Variants in VIT observed in about 807,000 individuals in gnomAD.
The protein encoded by VIT is vitrin.
VIT carries 99 observed loss-of-function variants against 78.0 expected under a neutral mutation model. The observed-to-expected ratio is 1.27, with a 90% CI of 1.08 to 1.50. The LOEUF (loss-of-function observed/expected upper bound fraction) is 1.50, where lower values mean the gene tolerates loss of function less well. VIT is among the 40% of genes most tolerant of loss of function. The pLI, the probability that VIT is intolerant of heterozygous loss-of-function variation, is 0.00. For missense variants in VIT, 1,126 were observed against 875.3 expected (o/e 1.29, Z -3.61); for synonymous variants, 374 against 334.3 (o/e 1.12, Z -1.29).
chr2:36,799,214 G>A (rs1666134431), intron 12 of VIT, among the ~76,000 whole-genome samples: 3 of 152,148 alleles, frequency 2.0e-5, no homozygotes, highest in Admixed American at 2.0e-4. Context: ...AACAGGGATG[G>A]AGGAAAGGAA....
intron 12 of VIT, among the ~76,000 whole-genome samples, chr2:36,792,595 T>C (rs1472830400): frequency 6.6e-6 from 1 of 152,076 alleles, no homozygotes; most frequent in Non-Finnish European, 1.5e-5. Context: ...CTCCTAAAAC[T>C]CCAGATGCCC....
chr2:36,720,462 T>G (rs1181300977), intron 2 of VIT, among the ~76,000 whole-genome samples: 2 of 152,200 alleles, frequency 1.3e-5, no homozygotes, highest in Non-Finnish European at 2.9e-5. Flanking sequence ...AATTGGGCCC[T>G]TAGCTCACAC....
chr2:36,712,568 G>T (rs1369498307), intron 1 of VIT, among the ~76,000 whole-genome samples: 1 of 152,192 alleles, frequency 6.6e-6, no homozygotes, highest in Non-Finnish European at 1.5e-5. Flanking sequence ...GCCGGGGGTG[G>T]TGGCTCACAC....
Position 36,797,442 on chromosome 2 carries a change from G to T in VIT, c.1059-3859G>T, listed in dbSNP as rs118175820. Among the ~76,000 whole-genome samples, 19 of 152,286 alleles carry T rather than the reference G, an allele frequency of 1.2e-4. No individual in the cohort carries two copies. In the East Asian group the frequency reaches 3.3e-3, roughly 26 times the overall value. On this transcript the variant is annotated intron_variant, in intron 12 of 15. Transcript: ENST00000379242. The stretch of plus-strand genomic sequence containing the variant: ...GAAATGTGAGAGATATTTAGAGGTA[G>T]GTCTGACAGGACGTGGTATTTGATG...
chr2:36,704,850 C>A (rs1041676189), intron 1 of VIT, among the ~76,000 whole-genome samples: 1 of 150,958 alleles, frequency 6.6e-6, no homozygotes, highest in Non-Finnish European at 1.5e-5. Flanking sequence ...GCACCCTCAT[C>A]TTCCTTCCTA....
rs747470396 is a variant in VIT at position 36,808,651 on chromosome 2, G to A, written c.1569G>A (p.Thr523=). The A allele has an allele frequency of 4.3e-6, 7 of 1,614,176 alleles. No homozygotes were observed. In the Admixed American group the frequency reaches 6.7e-5, roughly 15 times the overall value. The change falls in exon 15 of 16, where the codon ACG becomes ACA. Residue 523 remains threonine (T), a synonymous_variant. Coordinates refer to ENST00000379242, the MANE Select transcript of VIT (RefSeq NM_053276.4). ...TCGACGGCTCCAGCAGTGTGGGGACGGGCAACTTCCGCACCGTCCTCCAGT... is the reference window on the plus strand; with the variant it reads ...TCGACGGCTCCAGCAGTGTGGGGACAGGCAACTTCCGCACCGTCCTCCAGT... The part of the protein sequence containing the change: ...FVIDGSSSVG[T]GNFRTVLQFV...
intron 14 of VIT, 48 bp downstream of exon 14, chr2:36,805,712 C>G: frequency 1.3e-6 from 2 of 1,577,860 alleles, no homozygotes; most frequent in Non-Finnish European, 1.7e-6. Flanking sequence ...TTTCTGCACT[C>G]TGAAAAATTG....
At chr2:36,740,468 C>T (rs1667770601) in intron 3 of VIT, among the ~76,000 whole-genome samples, 1 of 152,188 alleles carries the variant, frequency 6.6e-6, no homozygotes, top group Admixed American at 6.5e-5. Context: ...GGCAATCACT[C>T]TGCAAAATTT....
chr2:36,805,642 T>C lies in VIT; in HGVS notation c.1367T>C (p.Val456Ala). 2 of 1,613,978 alleles carry C rather than the reference T, an allele frequency of 1.2e-6. No homozygotes were observed. Among genetic ancestry groups the C allele is most frequent in the Middle Eastern group, 1.7e-4 (1 of 6,056 alleles). Residue 456 changes from valine (V) to alanine (A), a missense_variant, in exon 14 of 16, where the codon GTG becomes GCG. Val to Ala is a moderately conservative substitution (Grantham distance 64). Coordinates refer to ENST00000379242, the MANE Select transcript of VIT (RefSeq NM_053276.4). ...GAAENEKQYV[V>A]EPNFANKAVC... ...GCTGAAAATGAGAAGCAGTATGTGG[T>C]GGAGCCCAACTTTGCAAACAAGGTA... is the stretch of plus-strand genomic sequence containing the variant.
intron 9 of VIT, among the ~76,000 whole-genome samples, chr2:36,778,753 G>A (rs1670221798): frequency 6.6e-6 from 1 of 152,124 alleles, no homozygotes; most frequent in Non-Finnish European, 1.5e-5. Flanking sequence ...CCCCACTTCG[G>A]TACAGCAAGA....
intron 7 of VIT, 61 bp from the exon 8 acceptor site, chr2:36,773,730 A>T (rs1000587970): frequency 4.0e-6 from 5 of 1,264,786 alleles, no homozygotes; most frequent in Non-Finnish European, 5.3e-6. Context: ...ACTCAAAAAT[A>T]AATAAATTAA....
intron 3 of VIT, among the ~76,000 whole-genome samples, chr2:36,738,598 A>G (rs1237491761): frequency 2.0e-5 from 3 of 152,174 alleles, no homozygotes; most frequent in African/African-American, 7.2e-5. Flanking sequence ...AACAAAACAG[A>G]CAAAAGTCCC....
At chr2:36,782,075 A>T (rs1664798294) in intron 10 of VIT, among the ~76,000 whole-genome samples, 1 of 152,196 alleles carries the variant, frequency 6.6e-6, no homozygotes, top group African/African-American at 2.4e-5. Context: ...ATCTGGCAGC[A>T]CACTTTAACT....
intron 6 of VIT, among the ~76,000 whole-genome samples, chr2:36,760,955 C>T (rs1669079882): frequency 6.6e-6 from 1 of 152,094 alleles, no homozygotes; most frequent in African/African-American, 2.4e-5. Flanking sequence ...CCAGCTGCAC[C>T]CCTCCCCCTC....
chr2:36,760,431 A>T (rs989569699), intron 6 of VIT, among the ~76,000 whole-genome samples: 3 of 152,132 alleles, frequency 2.0e-5, no homozygotes, highest in African/African-American at 7.2e-5. Context: ...ATTACTTTTT[A>T]ATGGATCCAG....
At chr2:36,750,648 C>G (rs1366045312) in intron 4 of VIT, among the ~76,000 whole-genome samples, 5 of 151,756 alleles carry the variant, frequency 3.3e-5, no homozygotes, top group African/African-American at 1.2e-4. Context: ...TGGTGAAACC[C>G]CGTCTCTACT....
chr2:36,787,388 G>T, intron 12 of VIT, 112 bp downstream of exon 12: 1 of 1,373,170 alleles, frequency 7.3e-7, no homozygotes, highest in African/African-American at 1.5e-5. Flanking sequence ...CTTGAGCACA[G>T]ATTTGTTCTC....
intron 12 of VIT, among the ~76,000 whole-genome samples, chr2:36,800,540 G>A (rs975583882): frequency 3.3e-5 from 5 of 152,262 alleles, no homozygotes; most frequent in South Asian, 2.1e-4. Context: ...TCACGCCCAC[G>A]AAGTCAGCGC....
intron 2 of VIT, among the ~76,000 whole-genome samples, chr2:36,716,869 CTTTTTTTT>C (rs557873230): frequency 5.5e-4 from 43 of 78,676 alleles, no homozygotes; most frequent in African/African-American, 2.3e-3. Context: ...AGAGATGATT[CTTTTTTTT>C]TTTTTTTTTT....
Sources: gnomAD v4.1 joint callset for allele counts (sites outside exome capture counted in the v4.1 genomes callset) on GRCh38, gnomAD v4.1.1 for gene constraint, MANE v1.5 for transcripts, NCBI Gene and HGNC (gene_info 2026-07-23, HGNC 2026-07-21) for gene names.